TFCP2L1: variants seen among roughly 807,000 people sequenced by gnomAD.
TFCP2L1 encodes transcription factor CP2 like 1.
TFCP2L1 carries 12 observed loss-of-function variants against 72.2 expected under a neutral mutation model. The ratio of observed to expected loss-of-function variants is 0.17; its 90% confidence interval spans 0.11 to 0.27. TFCP2L1 has a LOEUF of 0.27. TFCP2L1 is among the 10% of genes least tolerant of loss of function. TFCP2L1 has a pLI of 1.00. For synonymous variants in TFCP2L1, 260 were observed against 251.0 expected, an observed-to-expected ratio of 1.04 and a Z score of -0.34; for missense variants, 488 against 624.6, an observed-to-expected ratio of 0.78 and a Z score of 2.33.
intron 4 of TFCP2L1, 141 bp downstream of exon 4, chr2:121,248,841 G>A: frequency 1.8e-6 from 1 of 540,954 alleles, no homozygotes; most frequent in Non-Finnish European, 3.1e-6. Context: ...GGTCAGCTCT[G>A]CAAGCTCCCG....
At chr2:121,250,814 C>T (rs1218790524) in intron 2 of TFCP2L1, among the ~76,000 whole-genome samples, 2 of 151,640 alleles carry the variant, frequency 1.3e-5, no homozygotes, top group Non-Finnish European at 2.9e-5. Context: ...ACCATGTTAG[C>T]CAGGCTGGTC....
intron 6 of TFCP2L1, among the ~76,000 whole-genome samples, chr2:121,244,228 AG>A (rs979264420): frequency 2.6e-5 from 4 of 152,202 alleles, no homozygotes; most frequent in Admixed American, 2.6e-4. Flanking sequence ...TGAGGCCTGG[AG>A]GGAGCTGGTT....
chr2:121,243,730 C>T (rs1686426468), intron 6 of TFCP2L1, among the ~76,000 whole-genome samples: 2 of 151,640 alleles, frequency 1.3e-5, no homozygotes, highest in African/African-American at 4.9e-5. Flanking sequence ...GTCCTCCCCC[C>T]GCCACCTCTA....
chr2:121,274,417 C>T (rs918305203), intron 2 of TFCP2L1, among the ~76,000 whole-genome samples: 4 of 151,878 alleles, frequency 2.6e-5, no homozygotes, highest in Non-Finnish European at 4.4e-5. Context: ...TCTGATGACT[C>T]GATGTACACA....
intron 7 of TFCP2L1, among the ~76,000 whole-genome samples, chr2:121,241,935 ACCT>A (rs1439227583): frequency 6.6e-6 from 1 of 152,090 alleles, no homozygotes; most frequent in African/African-American, 2.4e-5. Flanking sequence ...CACTGGCTTC[ACCT>A]GCAGACAAAG....
chr2:121,228,801 G>A (rs895309355), intron 13 of TFCP2L1, among the ~76,000 whole-genome samples: 3 of 139,420 alleles, frequency 2.2e-5, no homozygotes, highest in South Asian at 2.3e-4. Flanking sequence ...AAAAAAGCTC[G>A]CTTAGATTTG....
At chr2:121,271,981 A>C (rs1687057047) in intron 2 of TFCP2L1, among the ~76,000 whole-genome samples, 1 of 152,054 alleles carries the variant, frequency 6.6e-6, no homozygotes, top group Admixed American at 6.6e-5. Flanking sequence ...CCTTCCCCCC[A>C]CAAAGCTTCA....
chr2:121,242,433 C>G lies in TFCP2L1; in HGVS notation c.694G>C (p.Glu232Gln), dbSNP rs374483735. The G allele has an allele frequency of 2.1e-5, 34 of 1,614,056 alleles. No homozygotes were observed. Among genetic ancestry groups the G allele is most frequent in the Non-Finnish European group, 2.7e-5 (32 of 1,180,032 alleles). The change falls in exon 7 of 15, where the codon GAG becomes CAG. Residue 232 changes from glutamate (E) to glutamine (Q), a missense_variant. Around this residue, in one of 3 missense-constraint regions of TFCP2L1, gnomAD observed 286 missense variants for 329.0 expected, o/e 0.87. Coordinates refer to ENST00000263707, the MANE Select transcript of TFCP2L1 (RefSeq NM_014553.3). ...GADRKQKTDR[E>Q]KMEKRTAQEK... ...TGGGCAGTTCTTTTCTCCATCTTCTCCCGGTCAGTCTTCTGTTTCCGATCG... is the reference window on the plus strand; with the variant it reads ...TGGGCAGTTCTTTTCTCCATCTTCTGCCGGTCAGTCTTCTGTTTCCGATCG...
At chr2:121,240,314 A>C in intron 7 of TFCP2L1, 1 of 985,404 alleles carries the variant, frequency 1.0e-6, no homozygotes, top group Non-Finnish European at 1.2e-6. Flanking sequence ...GAGTCTCCCA[A>C]AGGAAGCAAG....
chr2:121,224,325 T>C lies in TFCP2L1; in HGVS notation c.*16A>G, dbSNP rs775694403. On this transcript the variant is annotated 3_prime_UTR_variant, in exon 15 of 15. Coordinates refer to ENST00000263707, the MANE Select transcript of TFCP2L1 (RefSeq NM_014553.3). ...CAGGGCTGGGAGCTGGAGACAGGTA[T>C]GAGGTCCACTGCTGCTCAGAGTCCA... 2 of 1,613,656 alleles carry C rather than the reference T, an allele frequency of 1.2e-6. No individual in the cohort carries two copies. The highest frequency in any genetic ancestry group is 2.2e-5 in the East Asian group (1 of 44,894).
chr2:121,271,873 G>T (rs1558744995), intron 2 of TFCP2L1, among the ~76,000 whole-genome samples: 1 of 152,188 alleles, frequency 6.6e-6, no homozygotes, highest in Non-Finnish European at 1.5e-5. Flanking sequence ...CCCTGAGGTT[G>T]CTGTGAGTGG....
chr2:121,280,692 A>C (rs1687237651), intron 2 of TFCP2L1, among the ~76,000 whole-genome samples: 2 of 148,730 alleles, frequency 1.3e-5, no homozygotes, highest in African/African-American at 5.0e-5. Flanking sequence ...TGGGTTGAGG[A>C]GGTCAAGGGT....
Position 121,285,082 on chromosome 2 carries a change from G to C in TFCP2L1, c.28C>G (p.His10Asp), listed in dbSNP as rs868636591. 6.6e-7 allele frequency: 1 copy of C among 1,524,912 alleles called. No homozygotes were observed. The highest frequency in any genetic ancestry group is 1.4e-5 in the African/African-American group (1 of 69,866). 94.5% of individuals were successfully genotyped at this position (1,524,912 alleles called of 1,614,324 possible). The change falls in exon 1 of 15, where the codon CAC (histidine) becomes GAC (aspartate). Residue 10 changes from histidine (H) to aspartate (D), a missense_variant. His to Asp is a moderately conservative substitution (Grantham distance 81). Coordinates refer to ENST00000263707, the MANE Select transcript of TFCP2L1 (RefSeq NM_014553.3). ...CTGCCGGAGTTGTGCTGGTTGTAGT[G>C]CTCGGGCTGCGTGTGCCAGAAGAGC... Reference protein sequence around the residue: MLFWHTQPEHYNQHNSGSYL... With the variant: MLFWHTQPEDYNQHNSGSYL...
chr2:121,270,190 T>A (rs944348477), intron 2 of TFCP2L1, among the ~76,000 whole-genome samples: 1 of 152,038 alleles, frequency 6.6e-6, no homozygotes, highest in Non-Finnish European at 1.5e-5. Flanking sequence ...GGGTAAACAG[T>A]GTTGGCAAAG....
At chr2:121,269,921 A>ATC (rs1687013083) in intron 2 of TFCP2L1, among the ~76,000 whole-genome samples, 1 of 44,156 alleles carries the variant, frequency 2.3e-5, no homozygotes, top group Admixed American at 3.0e-4. Flanking sequence ...AAAAAAAAAT[A>ATC]TATATATATA....
At position 121,284,700 on chromosome 2, in the gene TFCP2L1, C is replaced by G. The variant is rs1434302219; in HGVS notation, c.62+348G>C. 2.0e-5 allele frequency among the ~76,000 whole-genome samples: 3 copies of G among 152,304 alleles called. No individual in the cohort carries two copies. The East Asian group carries it at 5.8e-4, about 29-fold the overall frequency. On this transcript the variant is annotated intron_variant, in intron 1 of 14. Coordinates refer to ENST00000263707, the MANE Select transcript of TFCP2L1 (RefSeq NM_014553.3). ...TGGCAGGAAGTTTCCTCTGCTTCTC[C>G]GATACGCGGGGGAGAGGAGGGCCGC... is the stretch of plus-strand genomic sequence containing the variant.
intron 7 of TFCP2L1, chr2:121,240,431 C>T: frequency 1.0e-6 from 1 of 985,320 alleles, no homozygotes; most frequent in East Asian, 1.1e-4. Context: ...TGAAGCATTC[C>T]CGAAGATTTA....
Position 121,224,110 on chromosome 2 carries a change from C to T in TFCP2L1, c.*231G>A. On this transcript the variant is annotated 3_prime_UTR_variant, in exon 15 of 15. Coordinates refer to ENST00000263707, the MANE Select transcript of TFCP2L1 (RefSeq NM_014553.3). The stretch of plus-strand genomic sequence containing the variant: ...CAATAGAAAAGAACAAGGAACCATT[C>T]AAAATCTGGAGGCCAAGAGGAAGGG... 1.7e-6 allele frequency: 1 copy of T among 587,930 alleles called. No individual in the cohort carries two copies. Among genetic ancestry groups the T allele is most frequent in the East Asian group, 2.8e-5 (1 of 35,568 alleles). The allele number at this position is 587,930 out of a possible 1,614,324, so 36.4% of individuals were successfully genotyped here. A position where few individuals can be genotyped will look rare whatever the true frequency, so the allele number is the denominator to read the frequency against.
chr2:121,239,542 G>C lies in TFCP2L1; in HGVS notation c.860+16C>G. 6.2e-7 allele frequency: 1 copy of C among 1,613,848 alleles called. No individual in the cohort carries two copies. Among genetic ancestry groups the C allele is most frequent in the Non-Finnish European group, 8.5e-7 (1 of 1,179,742 alleles). On this transcript the variant is annotated intron_variant, in intron 8 of 14. Coordinates refer to ENST00000263707, the MANE Select transcript of TFCP2L1 (RefSeq NM_014553.3). The stretch of plus-strand genomic sequence containing the variant: ...CTTCATTTCAGGGAACCCGAAGAAA[G>C]AGAGGTGGGACGTACCCTTCGCCGA...
Sources: gnomAD v4.1 joint callset for allele counts (sites outside exome capture counted in the v4.1 genomes callset) on GRCh38, gnomAD v4.1.1 for gene constraint, gnomAD v4.1.1 regional missense constraint, MANE v1.5 for transcripts, NCBI Gene and HGNC (gene_info 2026-07-23, HGNC 2026-07-21) for gene names.